TOLLIP: variants seen among roughly 807,000 people sequenced by gnomAD.
TOLLIP encodes toll interacting protein.
In TOLLIP, 16 loss-of-function variants were observed where a neutral mutation model predicts 33.5. The ratio of observed to expected loss-of-function variants is 0.48; its 90% CI spans 0.32 to 0.72. The LOEUF (loss-of-function observed/expected upper bound fraction) is 0.72, where lower values mean the gene tolerates loss of function less well. Among genes scored for constraint, TOLLIP ranks in the 30% least tolerant of loss-of-function variants. The pLI is 0.03. For synonymous variants in TOLLIP, 176 were observed against 163.7 expected, an observed-to-expected ratio of 1.07 and a Z score of -0.57; for missense variants, 325 against 396.6, an observed-to-expected ratio of 0.82 and a Z score of 1.53.
intron 1 of TOLLIP, among the ~76,000 whole-genome samples, chr11:1,300,029 C>T (rs950475804): frequency 1.1e-4 from 16 of 152,234 alleles, no homozygotes; most frequent in Admixed American, 3.3e-4. Flanking sequence ...TCGAGGGAAA[C>T]AGGCAGGGAA....
chr11:1,279,149 G>A (rs914330473), intron 5 of TOLLIP, among the ~76,000 whole-genome samples: 6 of 152,360 alleles, frequency 3.9e-5, no homozygotes, highest in South Asian at 2.1e-4. Flanking sequence ...CACGGCCTGG[G>A]GTGTCCCGAG....
chr11:1,306,222 G>A (rs185231686), intron 1 of TOLLIP: 1 of 152,300 alleles, frequency 6.6e-6, no homozygotes, highest in East Asian at 1.9e-4. Context: ...TCTAAACACG[G>A]TATGATTCTC....
chr11:1,300,630 T>C (rs1864241555), intron 1 of TOLLIP, among the ~76,000 whole-genome samples: 1 of 152,116 alleles, frequency 6.6e-6, no homozygotes, highest in African/African-American at 2.4e-5. Context: ...CCGACACCTG[T>C]TAGGAATACG....
chr11:1,300,272 T>TC (rs1320176181), intron 1 of TOLLIP, among the ~76,000 whole-genome samples: 1 of 152,114 alleles, frequency 6.6e-6, no homozygotes, highest in Admixed American at 6.5e-5. Flanking sequence ...CTGATTCTCC[T>TC]CCCCCATGTG....
chr11:1,295,910 C>A (rs998126026), intron 1 of TOLLIP, 116 bp from the exon 2 acceptor site: 5 of 1,310,280 alleles, frequency 3.8e-6, no homozygotes, highest in Non-Finnish European at 2.0e-6. Flanking sequence ...CTTATCAAGT[C>A]CTGGACTGTG....
rs1341700563 is a variant in TOLLIP at position 1,286,066 on chromosome 11, T to A, written c.546A>T (p.Pro182=). The A allele has an allele frequency of 6.3e-7, 1 of 1,599,316 alleles. No individual in the cohort carries two copies. Among genetic ancestry groups the A allele is most frequent in the South Asian group, 1.1e-5 (1 of 87,852 alleles). ...TTGGCATCAGGACCACGGGCTGGGG[T>A]GGCATCACCATGGCAGCTGGAAGCA... ...YALLPAAMVM[P]PQPVVLMPTV... The change falls in exon 5 of 6, where the codon CCA becomes CCT. Residue 182 remains proline (P), a synonymous_variant. Coordinates refer to ENST00000317204, the MANE Select transcript of TOLLIP (RefSeq NM_019009.4).
At chr11:1,294,008 T>G (rs1864031076) in intron 2 of TOLLIP, among the ~76,000 whole-genome samples, 1 of 152,280 alleles carries the variant, frequency 6.6e-6, no homozygotes. Flanking sequence ...GTCTTATTTG[T>G]GAGGTCCACG....
intron 1 of TOLLIP, chr11:1,305,748 A>C (rs1278582904): frequency 6.6e-6 from 1 of 152,170 alleles, no homozygotes; most frequent in African/African-American, 2.4e-5. Context: ...CTCCAGCTGG[A>C]CTCCATGGCC....
At chr11:1,292,667 C>T (rs1841639957) in intron 2 of TOLLIP, among the ~76,000 whole-genome samples, 1 of 152,236 alleles carries the variant, frequency 6.6e-6, no homozygotes, top group African/African-American at 2.4e-5. Flanking sequence ...CTGTGGACAC[C>T]GTGGGGACAC....
At chr11:1,305,410 C>A (rs981528729) in intron 1 of TOLLIP, among the ~76,000 whole-genome samples, 1 of 152,278 alleles carries the variant, frequency 6.6e-6, no homozygotes, top group Non-Finnish European at 1.5e-5. Flanking sequence ...GGGCTCTTCA[C>A]AACACTCAGG....
intron 2 of TOLLIP, among the ~76,000 whole-genome samples, chr11:1,293,000 C>T (rs571582902): frequency 5.9e-5 from 9 of 152,302 alleles, no homozygotes; most frequent in East Asian, 3.9e-4. Context: ...AAGGCCCACG[C>T]GGGAACGGAC....
chr11:1,301,217 G>A (rs1864266294), intron 1 of TOLLIP, among the ~76,000 whole-genome samples: 1 of 152,258 alleles, frequency 6.6e-6, no homozygotes, highest in East Asian at 1.9e-4. Context: ...TTTGCTTGAT[G>A]TGAGAAAGTA....
intron 5 of TOLLIP, among the ~76,000 whole-genome samples, chr11:1,281,561 G>A (rs375415946): frequency 6.6e-6 from 1 of 152,188 alleles, no homozygotes; most frequent in Non-Finnish European, 1.5e-5. Flanking sequence ...TCTGGGCAGC[G>A]ATCAGCAGGC....
chr11:1,309,377 C>T, intron 1 of TOLLIP, 89 bp downstream of exon 1: 1 of 760,008 alleles, frequency 1.3e-6, no homozygotes, highest in East Asian at 3.9e-5. Context: ...GTCGGCCCGC[C>T]AGCCGCAGCT....
At chr11:1,298,210 G>C (rs1468755481) in intron 1 of TOLLIP, 1 of 152,328 alleles carries the variant, frequency 6.6e-6, no homozygotes, top group Non-Finnish European at 1.5e-5. Flanking sequence ...CAGCTCTGAG[G>C]ACATGGCAGG....
chr11:1,295,353 C>T (rs564901568), intron 2 of TOLLIP: 4 of 293,412 alleles, frequency 1.4e-5, no homozygotes, highest in East Asian at 5.6e-5. Flanking sequence ...GGCGGGGGTC[C>T]GGGAGGTGTC....
chr11:1,294,483 G>T, intron 2 of TOLLIP, among the ~76,000 whole-genome samples: 1 of 62,654 alleles, frequency 1.6e-5, no homozygotes. Flanking sequence ...AAGCCCGCGT[G>T]GCTCACAGTG....
rs1230275744 is a variant in TOLLIP, at chr11:1,274,845, C to T, written c.*2194G>A. On this transcript the variant is annotated 3_prime_UTR_variant, in exon 6 of 6. Coordinates refer to ENST00000317204, the MANE Select transcript of TOLLIP (RefSeq NM_019009.4). ...GTCCTTCTGAGTGTGACGACCTCAT[C>T]CACACCTGACACAGGCGGGGGCGGG... is the stretch of plus-strand genomic sequence containing the variant. The T allele has an allele frequency of 1.3e-5, 2 of 152,238 alleles. No individual in the cohort carries two copies. Among genetic ancestry groups the T allele is most frequent in the South Asian group, 2.1e-4 (1 of 4,820 alleles). 9.4% of individuals were successfully genotyped at this position (152,238 alleles called of 1,614,324 possible). A position where few individuals can be genotyped will look rare whatever the true frequency, so the allele number is the denominator to read the frequency against.
chr11:1,276,493 A>G lies in TOLLIP; in HGVS notation c.*546T>C, dbSNP rs1453115809. ...CCAGGCCAGAGGCCGGCCCCACACC[A>G]TCCACAGGAAGCTGCTCAGCTCACC... is the stretch of plus-strand genomic sequence containing the variant. On this transcript the variant is annotated 3_prime_UTR_variant, in exon 6 of 6. Coordinates refer to ENST00000317204, the MANE Select transcript of TOLLIP (RefSeq NM_019009.4). 2.0e-5 allele frequency: 8 copies of G among 392,340 alleles called. No homozygotes were observed. The Admixed American group carries it at 2.9e-4, about 14-fold the overall frequency. The allele number at this position is 392,340 out of a possible 1,614,324, so 24.3% of individuals were successfully genotyped here. A position where few individuals can be genotyped will look rare whatever the true frequency, so the allele number is the denominator to read the frequency against.
Sources: gnomAD v4.1 joint callset for allele counts (sites outside exome capture counted in the v4.1 genomes callset) on GRCh38, gnomAD v4.1.1 for gene constraint, MANE v1.5 for transcripts, NCBI Gene and HGNC (gene_info 2026-07-23, HGNC 2026-07-21) for gene names.